CFAP157: variants seen among roughly 807,000 people sequenced by gnomAD.
CFAP157 encodes cilia and flagella associated protein 157.
In CFAP157, 43 loss-of-function variants were observed where a neutral mutation model predicts 57.8. The observed-to-expected ratio is 0.74, with a 90% CI of 0.58 to 0.96. The LOEUF (loss-of-function observed/expected upper bound fraction) is 0.96, where lower values mean the gene tolerates loss of function less well. Among genes scored for constraint, CFAP157 ranks in the 40% least tolerant of loss-of-function variants. The pLI is 0.00. For missense variants in CFAP157, 606 were observed against 655.3 expected (o/e 0.92, Z 0.82); for synonymous variants, 267 against 269.0 (o/e 0.99, Z 0.07).
chr9:127,712,979 G>A, intron 7 of CFAP157, 41 bp from the exon 8 acceptor site: 1 of 1,603,520 alleles, frequency 6.2e-7, no homozygotes, highest in Non-Finnish European at 8.5e-7. Context: ...CAGAAACCTG[G>A]CTCGCCGAAG....
Position 127,715,080 on chromosome 9 carries a change from G to GC in CFAP157, c.*1177dup. 4 of 1,531,790 alleles carry GC rather than the reference G, an allele frequency of 2.6e-6. No individual in the cohort carries two copies. The highest frequency in any genetic ancestry group is 2.6e-6 in the Non-Finnish European group (3 of 1,145,132). The allele number at this position is 1,531,790 out of a possible 1,614,324, so 94.9% of individuals were successfully genotyped here. A position where few individuals can be genotyped will look rare whatever the true frequency, so the allele number is the denominator to read the frequency against. Reference sequence around the variant, plus strand: ...GCCAGGGCGAGGTCGGCGGCACAGTGCCGGTCGCGCGTCCAACTCTCCGCC... The same window carrying GC: ...GCCAGGGCGAGGTCGGCGGCACAGTGCCCGGTCGCGCGTCCAACTCTCCGCC... On this transcript the variant is annotated 3_prime_UTR_variant, in exon 9 of 9. Transcript: ENST00000373295. This position sits in a 1 kb window ranked among gnomAD's most constrained non-coding sequence, Gnocchi z 5.8.
chr9:127,713,872 T>C lies in CFAP157; in HGVS notation c.1530T>C (p.Phe510=). The change falls in exon 9 of 9, where the codon TTT becomes TTC. Residue 510 remains phenylalanine (F), a synonymous_variant. Transcript: ENST00000373295. ...GTTCTCTAAAAAGGCTTGAAAAGTT[T>C]AGTCTTCCTGAAGTTCCCCTACGTC... ...APGSLKRLEK[F]SLPEVPLRPK 3 of 1,613,986 alleles carry C rather than the reference T, an allele frequency of 1.9e-6. No individual in the cohort carries two copies. In the East Asian group the frequency reaches 6.7e-5, roughly 36 times the overall value.
In CFAP157 at chr9:127,715,451, G is replaced by A. The variant is rs1271384115; in HGVS notation, c.*1546G>A. ...TGAACTCACCAGTTAAGAAAACAGA[G>A]CAGCAATTTGGGGGCACTCGGCTCC... On this transcript the variant is annotated 3_prime_UTR_variant, in exon 9 of 9. Coordinates refer to ENST00000373295, the MANE Select transcript of CFAP157 (RefSeq NM_001012502.3). This position sits in a 1 kb window ranked among gnomAD's most constrained non-coding sequence, Gnocchi z 5.8. 6.5e-7 allele frequency: 1 copy of A among 1,546,826 alleles called. No homozygotes were observed. The highest frequency in any genetic ancestry group is 8.8e-7 in the Non-Finnish European group (1 of 1,130,044).
chr9:127,712,270 T>C lies in CFAP157; in HGVS notation c.1058T>C (p.Leu353Pro). Residue 353 changes from leucine (L) to proline (P), a missense_variant, in exon 6 of 9, where the codon CTG becomes CCG. Physicochemically the swap from Leu to Pro is moderately conservative, Grantham distance 98 (BLOSUM62 -3). Transcript: ENST00000373295. ...GATTTGCAGCGGCTACAGCAGGAAC[T>C]GGCTAATGAGCAGAAGGTTCGGGCC... is the stretch of plus-strand genomic sequence containing the variant. ...QVDLQRLQQE[L>P]ANEQKVRASL... 2.5e-6 allele frequency: 4 copies of C among 1,613,984 alleles called. No homozygotes were observed. The highest frequency in any genetic ancestry group is 2.5e-6 in the Non-Finnish European group (3 of 1,179,974).
rs895682992 is a variant in CFAP157 at position 127,712,385 on chromosome 9, G to T, written c.1137+36G>T. The T allele has an allele frequency of 3.7e-6, 6 of 1,609,534 alleles. No individual in the cohort carries two copies. In the South Asian group the frequency reaches 4.4e-5, roughly 12 times the overall value. On this transcript the variant is annotated intron_variant, in intron 6 of 8. Coordinates refer to ENST00000373295, the MANE Select transcript of CFAP157 (RefSeq NM_001012502.3). Reference sequence around the variant, plus strand: ...GGGAGAGAGGGAGGGCGCAAGGGGAGGGGGAGTGAGCGCAAGATGGAAGCT... The same window carrying T: ...GGGAGAGAGGGAGGGCGCAAGGGGATGGGGAGTGAGCGCAAGATGGAAGCT...
rs1451937315 is a variant in CFAP157 at position 127,714,655 on chromosome 9, C to T, written c.*750C>T. The T allele has an allele frequency of 1.9e-6, 3 of 1,613,810 alleles. No individual in the cohort carries two copies. Among genetic ancestry groups the T allele is most frequent in the Non-Finnish European group, 1.7e-6 (2 of 1,179,966 alleles). On this transcript the variant is annotated 3_prime_UTR_variant, in exon 9 of 9. Transcript: ENST00000373295. The stretch of plus-strand genomic sequence containing the variant: ...AGTCTCCCCAGGGGCTTGTCCAGCT[C>T]ATCATGCACCAGGTAGACTTCCTCG...
chr9:127,713,756 C>A, intron 8 of CFAP157, 78 bp from the exon 9 acceptor site: 1 of 1,226,278 alleles, frequency 8.2e-7, no homozygotes, highest in Non-Finnish European at 1.2e-6. Context: ...ATCCCCCAGC[C>A]TCGGCCTCCC....
intron 4 of CFAP157, 48 bp downstream of exon 4, chr9:127,711,544 G>T (rs751481755): frequency 3.8e-6 from 6 of 1,584,616 alleles, no homozygotes; most frequent in Non-Finnish European, 5.1e-6. Context: ...CAAGGCAGGA[G>T]GCCGCCCTGG....
In CFAP157 at chr9:127,710,735, TC is replaced by T. The variant is rs1842746707; in HGVS notation, c.569del (p.Ser190TrpfsTer8). On this transcript the variant is annotated frameshift_variant, in exon 3 of 9. Transcript: ENST00000373295. LOFTEE classifies it high-confidence loss of function. The part of the protein sequence containing the change: ...RDYAYNLEKK[S>X]VLDKDRLRKE... ...CTATGCATACAACCTGGAGAAGAAG[TC>T]GGTGCTGGACAAGGACAGGTGGGCA... 6.4e-7 allele frequency: 1 copy of T among 1,567,592 alleles called. No individual in the cohort carries two copies.
chr9:127,709,997 C>T lies in CFAP157; in HGVS notation c.433+304C>T, dbSNP rs535797748. 2.6e-5 allele frequency among the ~76,000 whole-genome samples: 4 copies of T among 152,266 alleles called. No individual in the cohort carries two copies. The highest frequency in any genetic ancestry group is 9.6e-5 in the African/African-American group (4 of 41,554). ...ATATACAGTCCAGCTGCTGGCTGGG[C>T]GTGGTGGCCCATGCCTGTAAAACCC... On this transcript the variant is annotated intron_variant, in intron 2 of 8. Coordinates refer to ENST00000373295, the MANE Select transcript of CFAP157 (RefSeq NM_001012502.3). The surrounding 1 kb of genome is among the most constrained non-coding windows in gnomAD (Gnocchi z 4.7).
intron 3 of CFAP157, 77 bp from the exon 4 acceptor site, chr9:127,711,152 G>A (rs1203277735): frequency 7.1e-6 from 11 of 1,539,558 alleles, no homozygotes; most frequent in Non-Finnish European, 9.7e-6. Context: ...TAGGTGCTCT[G>A]GGAACCTCAC....
chr9:127,711,579 G>A, intron 4 of CFAP157, 83 bp downstream of exon 4: 1 of 1,524,440 alleles, frequency 6.6e-7, no homozygotes, highest in African/African-American at 1.4e-5. Context: ...TAGAGTCAGG[G>A]GCAGTCAAGT....
chr9:127,715,283 G>A lies in CFAP157; in HGVS notation c.*1378G>A. Reference sequence around the variant, plus strand: ...CCGTGGGCCCCAACGCAGAGGAGCGGAAACGCAGAGCAACGCTGCAGTGGG... The same window carrying A: ...CCGTGGGCCCCAACGCAGAGGAGCGAAAACGCAGAGCAACGCTGCAGTGGG... On this transcript the variant is annotated 3_prime_UTR_variant, in exon 9 of 9. Transcript: ENST00000373295. The surrounding 1 kb of genome is among the most constrained non-coding windows in gnomAD (Gnocchi z 5.8). The A allele has an allele frequency of 7.0e-7, 1 of 1,418,638 alleles. No individual in the cohort carries two copies. Among genetic ancestry groups the A allele is most frequent in the Non-Finnish European group, 9.6e-7 (1 of 1,039,724 alleles). The allele number at this position is 1,418,638 out of a possible 1,614,324, so 87.9% of individuals were successfully genotyped here. A position where few individuals can be genotyped will look rare whatever the true frequency, so the allele number is the denominator to read the frequency against.
At position 127,714,540 on chromosome 9, in the gene CFAP157, C is replaced by G. The variant is rs139027657; in HGVS notation, c.*635C>G. On this transcript the variant is annotated 3_prime_UTR_variant, in exon 9 of 9. Transcript: ENST00000373295. ...TCCTGTGGAGACTGGGTCAGCAGCC[C>G]TACTCCACCCCAACTGGGAGGCCTG... 15,945 of 1,591,916 alleles carry G rather than the reference C, an allele frequency of 0.01. 87 individuals are homozygous for G. Among genetic ancestry groups the G allele is most frequent in the Non-Finnish European group, 0.012 (13,564 of 1,160,298 alleles).
chr9:127,713,344 T>G lies in CFAP157; in HGVS notation c.1491+138T>G, dbSNP rs182406011. On this transcript the variant is annotated intron_variant, in intron 8 of 8. Coordinates refer to ENST00000373295, the MANE Select transcript of CFAP157 (RefSeq NM_001012502.3). ...GAGCCTTCCCATCTGTAAAATGGGC[T>G]GAAGAAAGGAGTGGCCAAGCCTCAA... is the stretch of plus-strand genomic sequence containing the variant. The G allele has an allele frequency of 4.3e-6, 3 of 696,112 alleles. No homozygotes were observed. The East Asian group carries it at 8.9e-5, about 21-fold the overall frequency. The allele number at this position is 696,112 out of a possible 1,614,324, so 43.1% of individuals were successfully genotyped here.
At chr9:127,707,315 A>T in intron 1 of CFAP157, 123 bp downstream of exon 1, 1 of 1,013,422 alleles carries the variant, frequency 9.9e-7, no homozygotes, top group Non-Finnish European at 1.4e-6. Context: ...GGATGTCCAG[A>T]CCCCATCCCG....
chr9:127,710,560 G>C, intron 2 of CFAP157, 41 bp from the exon 3 acceptor site: 7 of 1,557,392 alleles, frequency 4.5e-6, no homozygotes, highest in Non-Finnish European at 6.1e-6. Context: ...CCTGTCCTCT[G>C]AGGCAGCCCA....
In CFAP157 at chr9:127,715,888, G is replaced by A. The variant is rs1433118638; in HGVS notation, c.*1983G>A. On this transcript the variant is annotated 3_prime_UTR_variant, in exon 9 of 9. Transcript: ENST00000373295. This position sits in a 1 kb window ranked among gnomAD's most constrained non-coding sequence, Gnocchi z 5.8. Reference sequence around the variant, plus strand: ...GCTCGGAGCTCTTGCTTGACCTTCGGTTGGGAGGCCTTGTTATGCCCCCCG... The same window carrying A: ...GCTCGGAGCTCTTGCTTGACCTTCGATTGGGAGGCCTTGTTATGCCCCCCG... The A allele has an allele frequency of 3.7e-6, 3 of 811,776 alleles. No homozygotes were observed. The highest frequency in any genetic ancestry group is 3.5e-4 in the Middle Eastern group (1 of 2,850). The allele number at this position is 811,776 out of a possible 1,614,324, so 50.3% of individuals were successfully genotyped here.
At position 127,711,944 on chromosome 9, in the gene CFAP157, C is replaced by G. The variant is rs769331564; in HGVS notation, c.980C>G (p.Ala327Gly). The change falls in exon 5 of 9, where the codon GCA (alanine) becomes GGA (glycine). Residue 327 changes from alanine to glycine, a missense_variant. Coordinates refer to ENST00000373295, the MANE Select transcript of CFAP157 (RefSeq NM_001012502.3). ...RSLQLQVDNQ[A>G]LKSQRDQLSL... is the part of the protein sequence containing the mutation. Reference sequence around the variant, plus strand: ...CTGCAGCTGCAGGTGGATAACCAGGCACTGAAGTGCGTATGGCCCACGGAG... The same window carrying G: ...CTGCAGCTGCAGGTGGATAACCAGGGACTGAAGTGCGTATGGCCCACGGAG... 2 of 1,605,576 alleles carry G rather than the reference C, an allele frequency of 1.2e-6. No individual in the cohort carries two copies. Among genetic ancestry groups the G allele is most frequent in the Non-Finnish European group, 1.7e-6 (2 of 1,177,594 alleles).
Sources: gnomAD v4.1 joint callset for allele counts (sites outside exome capture counted in the v4.1 genomes callset) on GRCh38, gnomAD v4.1.1 for gene constraint, Gnocchi (gnomAD v3.1) non-coding constraint, MANE v1.5 for transcripts, NCBI Gene and HGNC (gene_info 2026-07-23, HGNC 2026-07-21) for gene names.